Variants in IGF1R observed in about 807,000 individuals in gnomAD.
IGF1R encodes insulin-like growth factor 1 receptor.
Under a neutral mutation model 144.6 loss-of-function variants are expected in IGF1R, and 44 were observed. That is an observed-to-expected ratio of 0.30 (90% CI 0.24 to 0.39). The LOEUF (loss-of-function observed/expected upper bound fraction) is 0.39, where lower values mean the gene tolerates loss of function less well. Among genes scored for constraint, IGF1R ranks in the 10% least tolerant of loss-of-function variants. The pLI, the probability that IGF1R is intolerant of heterozygous loss-of-function variation, is 1.00. For synonymous variants in IGF1R, 795 were observed against 722.8 expected (o/e 1.10, Z -1.60); for missense variants, 1,355 against 1,833.7 (o/e 0.74, Z 4.77).
rs1251187575 is a variant in IGF1R at position 98,962,654 on chromosome 15, A to C, written c.*5212A>C. ...GGGTGGTGGGTACAGAACCATTGTCACAGGGATCCTGGCACAGAGAAGAGT... is the reference window on the plus strand; with the variant it reads ...GGGTGGTGGGTACAGAACCATTGTCCCAGGGATCCTGGCACAGAGAAGAGT... On this transcript the variant is annotated 3_prime_UTR_variant, in exon 21 of 21. Transcript: ENST00000650285. 4.3e-6 allele frequency: 1 copy of C among 233,700 alleles called. No homozygotes were observed. Among genetic ancestry groups the C allele is most frequent in the Non-Finnish European group, 8.5e-6 (1 of 118,126 alleles). 14.5% of individuals were successfully genotyped at this position (233,700 alleles called of 1,614,324 possible).
chr15:98,803,498 T>TTTTATTTATTTA (rs3076065), intron 2 of IGF1R, among the ~76,000 whole-genome samples: 2,022 of 144,702 alleles, frequency 0.014, 50 homozygotes, highest in East Asian at 0.047. Context: ...GAATATTACA[T>TTTTATTTATTTA]TTTATTTATT....
At chr15:98,761,237 C>G (rs547583956) in intron 2 of IGF1R, among the ~76,000 whole-genome samples, 1 of 152,338 alleles carries the variant, frequency 6.6e-6, no homozygotes, top group East Asian at 1.9e-4. Flanking sequence ...CTGGCGTTGT[C>G]TCTGATGGCT....
chr15:98,834,181 G>A (rs1358205937), intron 2 of IGF1R, among the ~76,000 whole-genome samples: 1 of 152,174 alleles, frequency 6.6e-6, no homozygotes, highest in Non-Finnish European at 1.5e-5. Flanking sequence ...TGCCTAGACT[G>A]TACCTTTTTT....
chr15:98,673,372 T>C lies in IGF1R; in HGVS notation c.94+23697T>C, dbSNP rs73473445. ...GGTTGTACAGTAAATAGATGATCAT[T>C]CTCGCTCTGTTTTACCTTTCCTCAG... is the stretch of plus-strand genomic sequence containing the variant. On this transcript the variant is annotated intron_variant, in intron 1 of 20. Transcript: ENST00000650285. Among the ~76,000 whole-genome samples, 1,116 of 152,288 alleles carry C rather than the reference T, an allele frequency of 7.3e-3. 9 individuals are homozygous for C. Among genetic ancestry groups the C allele is most frequent in the African/African-American group, 0.026 (1,065 of 41,554 alleles).
At chr15:98,797,374 G>A (rs781228773) in intron 2 of IGF1R, among the ~76,000 whole-genome samples, 21 of 152,240 alleles carry the variant, frequency 1.4e-4, no homozygotes, top group Non-Finnish European at 2.8e-4. Flanking sequence ...CGGGTGTTTG[G>A]ACAGTGAGCA....
chr15:98,803,100 G>A (rs2056395588), intron 2 of IGF1R, among the ~76,000 whole-genome samples: 1 of 152,150 alleles, frequency 6.6e-6, no homozygotes, highest in African/African-American at 2.4e-5. Context: ...ACAGGGATAT[G>A]TTCTGAGAAA....
chr15:98,922,382 G>A lies in IGF1R; in HGVS notation c.2436G>A (p.Lys812=), dbSNP rs778650991. Residue 812 remains lysine, a synonymous_variant, in exon 11 of 21, where the codon AAG becomes AAA. Coordinates refer to ENST00000650285, the MANE Select transcript of IGF1R (RefSeq NM_000875.5). ...ACAGCTGCAACCACGAGGCTGAGAA[G>A]CTGGGCTGCAGCGCCTCCAACTTCG... ...DIHSCNHEAE[K]LGCSASNFVF... The A allele has an allele frequency of 1.9e-6, 3 of 1,614,034 alleles. No individual in the cohort carries two copies. The highest frequency in any genetic ancestry group is 1.1e-5 in the South Asian group (1 of 91,078).
intron 2 of IGF1R, among the ~76,000 whole-genome samples, chr15:98,794,446 A>G (rs1193423630): frequency 6.6e-6 from 1 of 152,190 alleles, no homozygotes; most frequent in Non-Finnish European, 1.5e-5. Flanking sequence ...GGAAAAGACC[A>G]GTGATAAGAG....
intron 14 of IGF1R, 71 bp from the exon 15 acceptor site, chr15:98,930,164 C>T (rs1164194406): frequency 2.0e-5 from 21 of 1,025,360 alleles, no homozygotes; most frequent in Admixed American, 3.5e-5. Flanking sequence ...ACTGTTGTAG[C>T]GAAGATGAAA....
intron 2 of IGF1R, among the ~76,000 whole-genome samples, chr15:98,768,796 C>CG (rs2055507009): frequency 7.1e-6 from 1 of 141,674 alleles, no homozygotes; most frequent in Non-Finnish European, 1.5e-5. Context: ...GGCGCGGTGC[C>CG]GGGCGCCTGT....
chr15:98,654,376 G>A (rs1021020792), intron 1 of IGF1R, among the ~76,000 whole-genome samples: 1 of 152,132 alleles, frequency 6.6e-6, no homozygotes, highest in Non-Finnish European at 1.5e-5. Flanking sequence ...ACGTTGCATA[G>A]CATGTTTTGA....
At chr15:98,680,612 TG>T (rs1343659922) in intron 1 of IGF1R, among the ~76,000 whole-genome samples, 2 of 152,172 alleles carry the variant, frequency 1.3e-5, no homozygotes, top group Non-Finnish European at 2.9e-5. Flanking sequence ...TCACCCAAGC[TG>T]GAGTGCAGTG....
chr15:98,841,062 C>CT (rs200945767), intron 2 of IGF1R, among the ~76,000 whole-genome samples: 2,294 of 152,206 alleles, frequency 0.015, 25 homozygotes, highest in Non-Finnish European at 0.022. Context: ...CATCTGGTCT[C>CT]TAAGTTTTTT....
At chr15:98,924,105 A>T in intron 12 of IGF1R, 93 bp downstream of exon 12, 1 of 1,252,330 alleles carries the variant, frequency 8.0e-7, no homozygotes, top group Non-Finnish European at 1.2e-6. Context: ...TGGTTAGCAT[A>T]GGACTTAAAA....
intron 1 of IGF1R, among the ~76,000 whole-genome samples, chr15:98,684,262 G>T (rs899307681): frequency 6.9e-6 from 1 of 144,472 alleles, no homozygotes; most frequent in African/African-American, 2.7e-5. Context: ...GGCAGCCTCT[G>T]ATAGATCTTA....
chr15:98,808,165 A>AG (rs1242388439), intron 2 of IGF1R, among the ~76,000 whole-genome samples: 4 of 152,226 alleles, frequency 2.6e-5, no homozygotes, highest in South Asian at 4.1e-4. Flanking sequence ...GAATAACCAA[A>AG]GGTAAAGCAT....
At chr15:98,917,867 CG>C in intron 10 of IGF1R, among the ~76,000 whole-genome samples, 1 of 152,022 alleles carries the variant, frequency 6.6e-6, no homozygotes, top group South Asian at 2.1e-4. Context: ...ATTCCATAAT[CG>C]ATAGGTTTTC....
intron 19 of IGF1R, among the ~76,000 whole-genome samples, chr15:98,946,009 T>TGATGACGATGATGAC (rs1171351610): frequency 6.6e-6 from 1 of 151,610 alleles, no homozygotes; most frequent in Admixed American, 6.6e-5. Context: ...GGGATGATGA[T>TGATGACGATGATGAC]GATGACGATG....
intron 19 of IGF1R, among the ~76,000 whole-genome samples, chr15:98,944,004 C>G (rs1302842543): frequency 1.3e-5 from 2 of 152,086 alleles, no homozygotes; most frequent in Non-Finnish European, 2.9e-5. Context: ...TTCTTAAGCT[C>G]AAGTATGAGA....
Sources: gnomAD v4.1 joint callset for allele counts (sites outside exome capture counted in the v4.1 genomes callset) on GRCh38, gnomAD v4.1.1 for gene constraint, MANE v1.5 for transcripts, NCBI Gene and HGNC (gene_info 2026-07-23, HGNC 2026-07-21) for gene names.